The following CCSER1 variants were observed in gnomAD, a reference collection of about 807,000 sequenced individuals.
CCSER1 encodes the protein coiled-coil serine rich protein 1.
CCSER1 carries 41 observed loss-of-function variants against 82.0 expected under a neutral mutation model. The ratio of observed to expected loss-of-function variants is 0.50; its 90% CI spans 0.39 to 0.65. The LOEUF is 0.65. CCSER1 is among the 30% of genes least tolerant of loss of function. CCSER1 has a pLI of 0.00. For missense variants in CCSER1, 1,119 were observed against 1,064.2 expected (o/e 1.05, Z -0.72); for synonymous variants, 414 against 383.9 (o/e 1.08, Z -0.92).
chr4:91,118,191 A>G (rs1217378820), intron 10 of CCSER1, among the ~76,000 whole-genome samples: 1 of 152,010 alleles, frequency 6.6e-6, no homozygotes, highest in East Asian at 1.9e-4. Context: ...CAGAAGTACA[A>G]CTTTGAGAAA....
intron 8 of CCSER1, among the ~76,000 whole-genome samples, chr4:90,900,647 G>T (rs184609015): frequency 6.6e-6 from 1 of 151,696 alleles, no homozygotes; most frequent in Non-Finnish European, 1.5e-5. Context: ...ATTGCACTGT[G>T]GTCTGAGAAG....
At chr4:91,474,822 C>A (rs1196416849) in intron 10 of CCSER1, among the ~76,000 whole-genome samples, 2 of 147,400 alleles carry the variant, frequency 1.4e-5, no homozygotes, top group African/African-American at 5.0e-5. Flanking sequence ...TACACACACA[C>A]ACACACACAC....
intron 1 of CCSER1, among the ~76,000 whole-genome samples, chr4:90,244,436 A>G (rs1721055321): frequency 6.6e-6 from 1 of 152,210 alleles, no homozygotes; most frequent in African/African-American, 2.4e-5. Flanking sequence ...GGCAGAGGTT[A>G]AATGCTTTGC....
chr4:91,307,461 GCTGTAAGCAAATTTTTACAA>G (rs1361076221), intron 10 of CCSER1, among the ~76,000 whole-genome samples: 1 of 151,826 alleles, frequency 6.6e-6, no homozygotes, highest in Non-Finnish European at 1.5e-5. Context: ...AATTGTTACA[GCTGTAAGCAAATTTTTACAA>G]CTGTAAGCAA....
intron 10 of CCSER1, among the ~76,000 whole-genome samples, chr4:91,306,906 C>A (rs1413989689): frequency 6.6e-6 from 1 of 151,846 alleles, no homozygotes; most frequent in African/African-American, 2.4e-5. Flanking sequence ...AGGTGTCTGA[C>A]TTTTTATTAA....
At chr4:90,989,836 A>G (rs1463734775) in intron 9 of CCSER1, among the ~76,000 whole-genome samples, 2 of 151,802 alleles carry the variant, frequency 1.3e-5, no homozygotes, top group Non-Finnish European at 2.9e-5. Flanking sequence ...AGGGAGATAG[A>G]ATTAGAGAGA....
At chr4:90,185,151 T>C (rs1219766384) in intron 1 of CCSER1, among the ~76,000 whole-genome samples, 1 of 152,060 alleles carries the variant, frequency 6.6e-6, no homozygotes, top group East Asian at 1.9e-4. Flanking sequence ...CATTCACACC[T>C]TCACAATATG....
chr4:91,115,900 C>T (rs1726547928), intron 10 of CCSER1, among the ~76,000 whole-genome samples: 1 of 139,516 alleles, frequency 7.2e-6, no homozygotes, highest in Non-Finnish European at 1.5e-5. Flanking sequence ...TACATGTGCA[C>T]AAAGTGCAGG....
intron 1 of CCSER1, among the ~76,000 whole-genome samples, chr4:90,291,022 G>A (rs926896208): frequency 1.5e-5 from 2 of 133,256 alleles, no homozygotes; most frequent in African/African-American, 3.9e-5. Context: ...TTATTTATCT[G>A]ATAGGAATAA....
chr4:90,222,017 A>G (rs868514778), intron 1 of CCSER1, among the ~76,000 whole-genome samples: 1 of 152,176 alleles, frequency 6.6e-6, no homozygotes, highest in African/African-American at 2.4e-5. Context: ...TCACTCTGTA[A>G]CAGTAGTACA....
chr4:91,125,974 T>C (rs1406427646), intron 10 of CCSER1, among the ~76,000 whole-genome samples: 1 of 151,744 alleles, frequency 6.6e-6, no homozygotes, highest in East Asian at 1.9e-4. Context: ...ATGGAAATTT[T>C]ATGTAGCAAA....
chr4:90,132,992 T>G (rs2153317682), intron 1 of CCSER1, among the ~76,000 whole-genome samples: 1 of 152,226 alleles, frequency 6.6e-6, no homozygotes, highest in East Asian at 1.9e-4. Flanking sequence ...AGTATAAACT[T>G]GTTAAAATGC....
intron 10 of CCSER1, among the ~76,000 whole-genome samples, chr4:91,575,159 C>T (rs1763388335): frequency 6.6e-6 from 1 of 151,840 alleles, no homozygotes; most frequent in Non-Finnish European, 1.5e-5. Flanking sequence ...ACTGAATATC[C>T]ATGTGCAAGT....
chr4:91,340,182 TA>T (rs1434065126), intron 10 of CCSER1, among the ~76,000 whole-genome samples: 6 of 152,188 alleles, frequency 3.9e-5, no homozygotes, highest in Non-Finnish European at 8.8e-5. Flanking sequence ...TATCTAATAA[TA>T]AAATAGGATA....
At chr4:91,046,763 G>T (rs573762253) in intron 9 of CCSER1, among the ~76,000 whole-genome samples, 1 of 151,968 alleles carries the variant, frequency 6.6e-6, no homozygotes, top group South Asian at 2.1e-4. Context: ...CTGTCTCCAG[G>T]CTGGAGTGCA....
At chr4:91,125,484 G>A (rs1415922649) in intron 10 of CCSER1, among the ~76,000 whole-genome samples, 1 of 151,630 alleles carries the variant, frequency 6.6e-6, no homozygotes, top group African/African-American at 2.4e-5. Flanking sequence ...TGTTTATAAG[G>A]CAGATTAATT....
intron 10 of CCSER1, among the ~76,000 whole-genome samples, chr4:91,205,334 T>A (rs574878274): frequency 6.6e-6 from 1 of 151,962 alleles, no homozygotes; most frequent in South Asian, 2.1e-4. Context: ...ACCTCAATTA[T>A]TGTTAATAAG....
chr4:91,293,610 C>T (rs1001381309), intron 10 of CCSER1, among the ~76,000 whole-genome samples: 18 of 152,058 alleles, frequency 1.2e-4, no homozygotes, highest in African/African-American at 3.9e-4. Context: ...GGTGAGAATG[C>T]ATTCAATGCA....
intron 10 of CCSER1, among the ~76,000 whole-genome samples, chr4:91,246,459 G>A (rs1739782776): frequency 6.6e-6 from 1 of 152,134 alleles, no homozygotes; most frequent in African/African-American, 2.4e-5. Flanking sequence ...AGGAAGGAAA[G>A]ACAGGCAAGA....
Sources: gnomAD v4.1 joint callset for allele counts (sites outside exome capture counted in the v4.1 genomes callset) on GRCh38, gnomAD v4.1.1 for gene constraint, MANE v1.5 for transcripts, NCBI Gene and HGNC (gene_info 2026-07-23, HGNC 2026-07-21) for gene names.